The following CCDC148 variants were observed in gnomAD, a reference collection of about 807,000 sequenced individuals.
CCDC148 encodes coiled-coil domain-containing protein 148.
Under a neutral mutation model 85.7 loss-of-function variants are expected in CCDC148, and 89 were observed. The observed-to-expected ratio is 1.04, with a 90% CI of 0.87 to 1.24. CCDC148 has a LOEUF of 1.24. Among genes scored for constraint, CCDC148 ranks in the 50% most tolerant of loss-of-function variants. CCDC148 has a pLI of 0.00. For missense variants in CCDC148, 692 were observed against 671.7 expected (o/e 1.03, Z -0.33); for synonymous variants, 230 against 213.9 (o/e 1.08, Z -0.66).
At chr2:158,393,928 C>A (rs776810714) in intron 1 of CCDC148, among the ~76,000 whole-genome samples, 2 of 152,182 alleles carry the variant, frequency 1.3e-5, no homozygotes, top group East Asian at 3.9e-4. Flanking sequence ...AATTATATAA[C>A]AAATTTGATT....
At chr2:158,209,592 C>A (rs1485912020) in intron 11 of CCDC148, among the ~76,000 whole-genome samples, 2 of 152,152 alleles carry the variant, frequency 1.3e-5, no homozygotes, top group African/African-American at 4.8e-5. Context: ...CGAAGGGATG[C>A]CCATCAGACT....
rs193164796 is a variant in CCDC148, at chr2:158,330,098, G to C, written c.764+8628C>G. 4.9e-3 allele frequency among the ~76,000 whole-genome samples: 749 copies of C among 152,244 alleles called. 8 individuals carry two copies. The highest frequency in any genetic ancestry group is 0.017 in the African/African-American group (717 of 41,550). ...CCTATCTTGTGCCAGTTTTCAAAGGGAATGCTTCCAGTTTTTGCCCATTCA... is the reference window on the plus strand; with the variant it reads ...CCTATCTTGTGCCAGTTTTCAAAGGCAATGCTTCCAGTTTTTGCCCATTCA... On this transcript the variant is annotated intron_variant, in intron 7 of 13. Coordinates refer to ENST00000283233, the MANE Select transcript of CCDC148 (RefSeq NM_138803.4).
At chr2:158,245,947 A>G (rs1559014544) in intron 10 of CCDC148, among the ~76,000 whole-genome samples, 1 of 152,186 alleles carries the variant, frequency 6.6e-6, no homozygotes, top group African/African-American at 2.4e-5. Flanking sequence ...TAACTATTAT[A>G]TTCAACTTGA....
intron 1 of CCDC148, among the ~76,000 whole-genome samples, chr2:158,409,548 T>C (rs1294943393): frequency 6.6e-6 from 1 of 152,234 alleles, no homozygotes. Context: ...ATTTATCCAA[T>C]GCTTGTACCC....
rs1291923580 is a variant in CCDC148 at position 158,250,822 on chromosome 2, T to G, written c.1201A>C (p.Lys401Gln). 8.7e-6 allele frequency: 14 copies of G among 1,604,248 alleles called. No homozygotes were observed. The East Asian group carries it at 3.1e-4, about 36-fold the overall frequency. Reference protein sequence around the residue: ...RRREKEEEKEKLWKKKELLQR... With the variant: ...RRREKEEEKEQLWKKKELLQR... ...AACAATTCCTTCTTCTTCCACAGTT[T>G]CTCTTTCTCCTCTTCCTTTTCTCTT... The change falls in exon 10 of 14, where the codon AAA (lysine) becomes CAA (glutamine). Residue 401 changes from lysine to glutamine, a missense_variant. Lys to Gln is a moderately conservative substitution (Grantham distance 53). Transcript: ENST00000283233.
intron 1 of CCDC148, among the ~76,000 whole-genome samples, chr2:158,451,961 A>G (rs1337010326): frequency 6.6e-6 from 1 of 152,204 alleles, no homozygotes; most frequent in Non-Finnish European, 1.5e-5. Context: ...ATCACAGGAA[A>G]CAAAAATCTC....
chr2:158,390,407 A>C (rs1272269931), intron 1 of CCDC148, among the ~76,000 whole-genome samples: 1 of 152,186 alleles, frequency 6.6e-6, no homozygotes, highest in Non-Finnish European at 1.5e-5. Flanking sequence ...AATTAAGGAA[A>C]TGATGCTGAG....
intron 1 of CCDC148, among the ~76,000 whole-genome samples, chr2:158,393,560 T>C (rs1685405468): frequency 6.6e-6 from 1 of 152,108 alleles, no homozygotes; most frequent in African/African-American, 2.4e-5. Context: ...CAAGCAATTC[T>C]GTGTAGCTAC....
At chr2:158,453,429 G>A (rs536594405) in intron 1 of CCDC148, among the ~76,000 whole-genome samples, 14 of 152,244 alleles carry the variant, frequency 9.2e-5, no homozygotes, top group African/African-American at 2.9e-4. Flanking sequence ...CCACCTGAGC[G>A]GAACTATTAT....
chr2:158,251,776 C>A (rs1270553089), intron 9 of CCDC148, among the ~76,000 whole-genome samples: 1 of 151,718 alleles, frequency 6.6e-6, no homozygotes, highest in Admixed American at 6.6e-5. Flanking sequence ...AGATACAAAG[C>A]CACATTTGCA....
At chr2:158,452,104 CAA>C (rs776716785) in intron 1 of CCDC148, among the ~76,000 whole-genome samples, 2 of 152,104 alleles carry the variant, frequency 1.3e-5, no homozygotes, top group African/African-American at 2.4e-5. Context: ...GACAGACTGA[CAA>C]GAGAAAAAAC....
chr2:158,240,272 A>G (rs1688291863), intron 10 of CCDC148, among the ~76,000 whole-genome samples: 1 of 152,056 alleles, frequency 6.6e-6, no homozygotes, highest in Admixed American at 6.6e-5. Flanking sequence ...AGAGTGCTAT[A>G]AGCCAACTTT....
At chr2:158,286,186 C>A (rs914539608) in intron 9 of CCDC148, among the ~76,000 whole-genome samples, 12 of 151,958 alleles carry the variant, frequency 7.9e-5, no homozygotes, top group African/African-American at 2.9e-4. Context: ...TTTAAAGATT[C>A]TATTTTCAAT....
At chr2:158,193,481 A>AT (rs1202387486) in intron 11 of CCDC148, among the ~76,000 whole-genome samples, 3 of 151,246 alleles carry the variant, frequency 2.0e-5, no homozygotes, top group Non-Finnish European at 1.5e-5. Flanking sequence ...AGCTCACAGT[A>AT]TTTTTTTTTA....
At chr2:158,378,634 G>A (rs918526588) in intron 1 of CCDC148, among the ~76,000 whole-genome samples, 1 of 152,134 alleles carries the variant, frequency 6.6e-6, no homozygotes, top group African/African-American at 2.4e-5. Context: ...TGACTTTCTT[G>A]TTAGGGTCTA....
intron 1 of CCDC148, among the ~76,000 whole-genome samples, chr2:158,390,269 C>T (rs1011139907): frequency 6.6e-6 from 1 of 152,070 alleles, no homozygotes; most frequent in Non-Finnish European, 1.5e-5. Context: ...AACCAGTCTT[C>T]AGTCAAGACA....
chr2:158,445,158 A>C (rs1688109383), intron 1 of CCDC148, among the ~76,000 whole-genome samples: 1 of 152,314 alleles, frequency 6.6e-6, no homozygotes, highest in Non-Finnish European at 1.5e-5. Context: ...GACAATAAAA[A>C]AAAAGTGACT....
At chr2:158,400,881 G>A (rs1037239839) in intron 1 of CCDC148, among the ~76,000 whole-genome samples, 1 of 152,126 alleles carries the variant, frequency 6.6e-6, no homozygotes, top group South Asian at 2.1e-4. Flanking sequence ...CCATCAAAAA[G>A]TGGGCAAAGG....
intron 10 of CCDC148, 152 bp from the exon 11 acceptor site, chr2:158,220,865 G>C: frequency 1.7e-6 from 1 of 574,594 alleles, no homozygotes; most frequent in East Asian, 3.3e-5. Context: ...ATAATACATT[G>C]GCAACAGAAA....
Sources: allele counts gnomAD v4.1 joint callset (sites outside exome capture counted in the v4.1 genomes callset), GRCh38; gene constraint gnomAD v4.1.1; transcripts MANE v1.5; gene names NCBI Gene and HGNC (gene_info 2026-07-23, HGNC 2026-07-21).